The following ITGA6 variants were observed in gnomAD, a reference collection of about 807,000 sequenced individuals.
The protein encoded by ITGA6 is integrin alpha-6.
Under a neutral mutation model 133.6 loss-of-function variants are expected in ITGA6, and 63 were observed. That is an observed-to-expected ratio of 0.47 (90% CI 0.38 to 0.58). The LOEUF (loss-of-function observed/expected upper bound fraction) is 0.58. Among genes scored for constraint, ITGA6 ranks in the 20% least tolerant of loss-of-function variants. The pLI is 0.00. For missense variants in ITGA6, 1,068 were observed against 1,309.4 expected (o/e 0.82, Z 2.85); for synonymous variants, 434 against 482.0 (o/e 0.90, Z 1.30).
At chr2:172,467,760 G>A (rs148823463) in intron 3 of ITGA6, among the ~76,000 whole-genome samples, 200 bp downstream of exon 3, 3,379 of 152,272 alleles carry the variant, frequency 0.022, 47 homozygotes, top group South Asian at 0.054. Flanking sequence ...GCCAAGGCGG[G>A]CGGATCACCT....
At chr2:172,478,038 AAT>A (rs1450442242) in intron 9 of ITGA6, among the ~76,000 whole-genome samples, 3 of 148,238 alleles carry the variant, frequency 2.0e-5, no homozygotes, top group Admixed American at 2.0e-4. Flanking sequence ...TAAAAAACAA[AAT>A]ATGTTCTAGG....
chr2:172,462,697 A>G (rs1026590127), intron 1 of ITGA6, among the ~76,000 whole-genome samples: 7 of 152,106 alleles, frequency 4.6e-5, no homozygotes, highest in Admixed American at 6.5e-5. Context: ...AGGGAAGCCA[A>G]CCCACTCTGA....
Position 172,501,795 on chromosome 2 carries a change from GAA to G in ITGA6, c.3140_3141del (p.Lys1047ArgfsTer4). On this transcript the variant is annotated frameshift_variant, in exon 25 of 26. Coordinates refer to ENST00000684293, the MANE Select transcript of ITGA6 (RefSeq NM_000210.4). LOFTEE classifies it high-confidence loss of function. ...AGTGTGGTTTCTTCAAGAGAAATAAGAAAGATCATTATGATGCCACATATCAC... is the reference window on the plus strand; with the variant it reads ...AGTGTGGTTTCTTCAAGAGAAATAAGAGATCATTATGATGCCACATATCAC... ...WKCGFFKRNK[K>X]DHYDATYHKA... The G allele has an allele frequency of 6.2e-7, 1 of 1,612,730 alleles. No individual in the cohort carries two copies. Among genetic ancestry groups the G allele is most frequent in the East Asian group, 2.2e-5 (1 of 44,862 alleles).
intron 23 of ITGA6, among the ~76,000 whole-genome samples, chr2:172,492,241 A>AT (rs1023474633): frequency 6.6e-6 from 1 of 152,032 alleles, no homozygotes; most frequent in Non-Finnish European, 1.5e-5. Context: ...CCTGCCTAAA[A>AT]TTTGCTTTTT....
chr2:172,452,958 G>A (rs2149019376), intron 1 of ITGA6, among the ~76,000 whole-genome samples: 1 of 152,290 alleles, frequency 6.6e-6, no homozygotes, highest in East Asian at 1.9e-4. Flanking sequence ...TTACTCAGTA[G>A]GAATTGCTGG....
chr2:172,476,781 A>G (rs944301428), intron 9 of ITGA6, among the ~76,000 whole-genome samples: 1 of 152,238 alleles, frequency 6.6e-6, no homozygotes, highest in African/African-American at 2.4e-5. Context: ...GAAAAAAACA[A>G]AACACATATA....
intron 24 of ITGA6, among the ~76,000 whole-genome samples, chr2:172,500,873 T>G (rs1559159356): frequency 6.6e-6 from 1 of 152,192 alleles, no homozygotes; most frequent in Non-Finnish European, 1.5e-5. Flanking sequence ...TAATTTAAAT[T>G]AATTTCAATC....
intron 1 of ITGA6, among the ~76,000 whole-genome samples, chr2:172,441,235 G>A (rs1425256728): frequency 6.6e-6 from 1 of 152,082 alleles, no homozygotes; most frequent in Non-Finnish European, 1.5e-5. Flanking sequence ...TATCAGAATA[G>A]AAACTAATAA....
chr2:172,492,475 C>G lies in ITGA6; in HGVS notation c.2988+952C>G, dbSNP rs186765940. On this transcript the variant is annotated intron_variant, in intron 23 of 25. Coordinates refer to ENST00000684293, the MANE Select transcript of ITGA6 (RefSeq NM_000210.4). ...CATTGTTTCAGTTTGCAAAGTAATT[C>G]TGAATCTTGCTTCATCATTTGCTTT... Among the ~76,000 whole-genome samples, 132 of 152,298 alleles carry G rather than the reference C, an allele frequency of 8.7e-4. 1 individual carries two copies. The highest frequency in any genetic ancestry group is 2.9e-3 in the African/African-American group (120 of 41,570).
intron 4 of ITGA6, 76 bp from the exon 5 acceptor site, chr2:172,470,898 A>G: frequency 1.4e-6 from 2 of 1,469,814 alleles, no homozygotes; most frequent in Admixed American, 3.7e-5. Flanking sequence ...AGCATGGGGG[A>G]TGTTTATTAG....
intron 1 of ITGA6, among the ~76,000 whole-genome samples, chr2:172,450,936 A>AATATAAATATATTTATCTTGTAT (rs1290974632): frequency 2.7e-5 from 4 of 146,910 alleles, no homozygotes; most frequent in Admixed American, 6.8e-5. Context: ...AATTTAAATA[A>AATATAAATATATTTATCTTGTAT]ATATAAATAT....
chr2:172,444,389 C>G (rs1232373037), intron 1 of ITGA6, among the ~76,000 whole-genome samples: 1 of 152,090 alleles, frequency 6.6e-6, no homozygotes, highest in Non-Finnish European at 1.5e-5. Flanking sequence ...AAATAACTTT[C>G]ATTCTGGTTG....
At chr2:172,498,457 T>A (rs1448141413) in intron 24 of ITGA6, among the ~76,000 whole-genome samples, 3 of 152,216 alleles carry the variant, frequency 2.0e-5, no homozygotes, top group East Asian at 1.9e-4. Flanking sequence ...ATAATCTGAA[T>A]GTGTATCCCT....
chr2:172,502,619 T>G (rs1687394231), intron 25 of ITGA6, among the ~76,000 whole-genome samples: 1 of 152,246 alleles, frequency 6.6e-6, no homozygotes, highest in Non-Finnish European at 1.5e-5. Context: ...TACAAAATTC[T>G]AGTACAAAAA....
At position 172,505,839 on chromosome 2, in the gene ITGA6, A is replaced by T. The variant is rs1687538317; in HGVS notation, c.*1771A>T. On this transcript the variant is annotated 3_prime_UTR_variant, in exon 26 of 26. Coordinates refer to ENST00000684293, the MANE Select transcript of ITGA6 (RefSeq NM_000210.4). ...TTTTGTTTACAAAAATTTCTGTAAA[A>T]CAGGTTATAACAGTGTTTAAAGTCT... The T allele has an allele frequency of 6.6e-6, 1 of 152,564 alleles. No homozygotes were observed. 9.5% of individuals were successfully genotyped at this position (152,564 alleles called of 1,614,324 possible).
At position 172,504,673 on chromosome 2, in the gene ITGA6, C is replaced by T. The variant is rs538089281; in HGVS notation, c.*605C>T. On this transcript the variant is annotated 3_prime_UTR_variant, in exon 26 of 26. Coordinates refer to ENST00000684293, the MANE Select transcript of ITGA6 (RefSeq NM_000210.4). Reference sequence around the variant, plus strand: ...CGCAGACGTCCATCACGTTAGCTGTCCCACATCACAAGACTATGCCATTGG... The same window carrying T: ...CGCAGACGTCCATCACGTTAGCTGTTCCACATCACAAGACTATGCCATTGG... 41 of 156,466 alleles carry T rather than the reference C, an allele frequency of 2.6e-4. No individual in the cohort carries two copies. The South Asian group carries it at 7.9e-3, about 30-fold the overall frequency. 9.7% of individuals were successfully genotyped at this position (156,466 alleles called of 1,614,324 possible).
chr2:172,443,643 G>T (rs1210691090), intron 1 of ITGA6, among the ~76,000 whole-genome samples: 1 of 152,202 alleles, frequency 6.6e-6, no homozygotes, highest in African/African-American at 2.4e-5. Context: ...TTCAATGTTT[G>T]TGTCCTAGCT....
intron 24 of ITGA6, among the ~76,000 whole-genome samples, chr2:172,499,363 G>GA (rs1241221567): frequency 4.9e-5 from 7 of 142,714 alleles, no homozygotes; most frequent in African/African-American, 1.5e-4. Context: ...ATGCCTTGAA[G>GA]AAAAAAAAAT....
intron 9 of ITGA6, 31 bp from the exon 10 acceptor site, chr2:172,479,610 T>G: frequency 2.0e-5 from 32 of 1,564,482 alleles, no homozygotes; most frequent in Non-Finnish European, 2.3e-5. Flanking sequence ...TAACAGAGGC[T>G]GAGCTTGTTT....
Sources: allele counts gnomAD v4.1 joint callset (sites outside exome capture counted in the v4.1 genomes callset), GRCh38; gene constraint gnomAD v4.1.1; transcripts MANE v1.5; gene names NCBI Gene and HGNC (gene_info 2026-07-23, HGNC 2026-07-21).